The following USH2A variants were observed in gnomAD, a reference collection of about 807,000 sequenced individuals.
USH2A encodes Usher syndrome 2A (autosomal recessive, mild).
In USH2A, 443 loss-of-function variants were observed where a neutral mutation model predicts 538.9. The ratio of observed to expected loss-of-function variants is 0.82; its 90% CI spans 0.76 to 0.89. The LOEUF (loss-of-function observed/expected upper bound fraction) is 0.89. USH2A is among the 40% of genes least tolerant of loss of function. USH2A has a pLI of 0.00. For synonymous variants in USH2A, 2,413 were observed against 2,273.5 expected, an observed-to-expected ratio of 1.06 and a Z score of -1.75; for missense variants, 6,633 against 6,324.8, an observed-to-expected ratio of 1.05 and a Z score of -1.65.
At chr1:215,782,611 C>G (rs1661674451) in intron 53 of USH2A, 127 bp downstream of exon 53, 1 of 1,009,210 alleles carries the variant, frequency 9.9e-7, no homozygotes, top group African/African-American at 1.6e-5. Flanking sequence ...AATTACAGTT[C>G]CCTTTATCGG....
At chr1:216,372,610 A>G (rs1189466882) in intron 3 of USH2A, among the ~76,000 whole-genome samples, 1 of 152,102 alleles carries the variant, frequency 6.6e-6, no homozygotes, top group Non-Finnish European at 1.5e-5. Flanking sequence ...TGAAACTCTC[A>G]TGGCCTCTTC....
At chr1:216,261,880 G>A (rs1403253053) in intron 11 of USH2A, among the ~76,000 whole-genome samples, 7 of 152,080 alleles carry the variant, frequency 4.6e-5, no homozygotes, top group African/African-American at 1.4e-4. Flanking sequence ...CACTCAATAA[G>A]CCTGATTCCA....
At chr1:215,762,850 A>C (rs1422572894) in intron 56 of USH2A, among the ~76,000 whole-genome samples, 1 of 152,186 alleles carries the variant, frequency 6.6e-6, no homozygotes, top group Non-Finnish European at 1.5e-5. Context: ...AACTAGCTGC[A>C]AGGTTAAAAG....
At chr1:215,833,683 A>T (rs982464631) in intron 47 of USH2A, among the ~76,000 whole-genome samples, 1 of 152,054 alleles carries the variant, frequency 6.6e-6, no homozygotes, top group Admixed American at 6.6e-5. Flanking sequence ...TCAAGGAAAA[A>T]GTAACAAATC....
At chr1:215,627,655 A>T (rs979721148) in intron 71 of USH2A, among the ~76,000 whole-genome samples, 4 of 151,932 alleles carry the variant, frequency 2.6e-5, no homozygotes, top group African/African-American at 9.7e-5. Flanking sequence ...CCTCCTGAGT[A>T]GCTGGGATTA....
intron 15 of USH2A, among the ~76,000 whole-genome samples, chr1:216,209,871 T>C (rs1472505376): frequency 1.3e-5 from 2 of 152,172 alleles, no homozygotes; most frequent in African/African-American, 2.4e-5. Context: ...CCTCAGAAAA[T>C]AGGGTCTGTC....
chr1:215,847,704 A>C (rs968738340), intron 44 of USH2A, among the ~76,000 whole-genome samples: 1 of 152,050 alleles, frequency 6.6e-6, no homozygotes, highest in Non-Finnish European at 1.5e-5. Context: ...GGGAGGAAAA[A>C]GTGGCATTTC....
intron 21 of USH2A, among the ~76,000 whole-genome samples, chr1:216,153,705 A>C (rs367910050): frequency 6.6e-6 from 1 of 152,318 alleles, no homozygotes; most frequent in African/African-American, 2.4e-5. Context: ...AATGCTGCAT[A>C]TTAGATATAA....
chr1:216,019,134 G>T (rs747850300), intron 32 of USH2A, among the ~76,000 whole-genome samples: 3 of 152,138 alleles, frequency 2.0e-5, no homozygotes, highest in African/African-American at 7.2e-5. Context: ...CTGGCTAGAA[G>T]AATATACAAT....
At chr1:216,313,633 C>G (rs1040059163) in intron 9 of USH2A, among the ~76,000 whole-genome samples, 1 of 152,114 alleles carries the variant, frequency 6.6e-6, no homozygotes, top group Non-Finnish European at 1.5e-5. Context: ...TTCCTTCACA[C>G]CAGGCCTATT....
intron 4 of USH2A, among the ~76,000 whole-genome samples, chr1:216,328,718 C>A (rs765827696): frequency 6.6e-5 from 10 of 151,972 alleles, no homozygotes; most frequent in Non-Finnish European, 1.2e-4. Flanking sequence ...GGAGAATTAG[C>A]ACACGAAGTA....
intron 47 of USH2A, among the ~76,000 whole-genome samples, chr1:215,836,490 ATATATATAATATATAT>A (rs1311862791): frequency 0.08 from 1,733 of 21,712 alleles, 296 homozygotes; most frequent in East Asian, 0.34. Flanking sequence ...AATATATATT[ATATATATAATATATAT>A]TATATATATA....
chr1:215,640,847 A>C (rs1244035875), intron 67 of USH2A, 113 bp from the exon 68 acceptor site: 2 of 543,742 alleles, frequency 3.7e-6, no homozygotes. Context: ...ATCCAAACAA[A>C]AAAAAAAAAA....
Position 215,743,260 on chromosome 1 carries a change from G to C in USH2A, c.11465C>G (p.Ser3822Cys). 6.2e-7 allele frequency: 1 copy of C among 1,612,122 alleles called. No homozygotes were observed. The highest frequency in any genetic ancestry group is 8.5e-7 in the Non-Finnish European group (1 of 1,179,446). Residue 3822 changes from serine (S) to cysteine (C), a missense_variant, in exon 59 of 72, where the codon TCC becomes TGC. Coordinates refer to ENST00000307340, the MANE Select transcript of USH2A (RefSeq NM_206933.4). ...NDGSVTPLAFSVGHHQSTLLE... is the reference protein window; with the variant it reads ...NDGSVTPLAFCVGHHQSTLLE... ...AAGGGTGGATTGATGATGACCAACGGAGAAGGCCAGAGGTGTTACACTTCC... is the reference window on the plus strand; with the variant it reads ...AAGGGTGGATTGATGATGACCAACGCAGAAGGCCAGAGGTGTTACACTTCC...
intron 34 of USH2A, among the ~76,000 whole-genome samples, chr1:215,993,399 A>T (rs1453729172): frequency 1.3e-5 from 2 of 152,184 alleles, no homozygotes. Flanking sequence ...GTATGAATGT[A>T]TGAATTAAGG....
Position 216,246,750 on chromosome 1 carries a change from A to T in USH2A, c.2644T>A (p.Cys882Ser). The T allele has an allele frequency of 6.2e-7, 1 of 1,614,140 alleles. No individual in the cohort carries two copies. Among genetic ancestry groups the T allele is most frequent in the Non-Finnish European group, 8.5e-7 (1 of 1,179,984 alleles). Residue 882 changes from cysteine (C) to serine (S), a missense_variant, in exon 13 of 72, where the codon TGT (cysteine) becomes AGT (serine). Transcript: ENST00000307340. ...LGVTGLRCNQ[C>S]EPHRYNLTID... ...GTCAAATTGTACCTGTGAGGCTCAC[A>T]CTGATTACAGCGAAGACCTGTTACC...
At chr1:216,201,475 G>A (rs1165450203) in intron 16 of USH2A, among the ~76,000 whole-genome samples, 7 of 151,808 alleles carry the variant, frequency 4.6e-5, no homozygotes, top group East Asian at 2.0e-4. Context: ...CACCACGCCC[G>A]GCTAATTTTT....
At chr1:215,901,020 T>A in intron 38 of USH2A, 115 bp from the exon 39 acceptor site, 1 of 1,246,384 alleles carries the variant, frequency 8.0e-7, no homozygotes, top group Non-Finnish European at 1.1e-6. Context: ...ACAACAATGT[T>A]AAACATGGTC....
At chr1:216,013,748 C>T (rs540073230) in intron 32 of USH2A, among the ~76,000 whole-genome samples, 14 of 152,134 alleles carry the variant, frequency 9.2e-5, no homozygotes, top group South Asian at 6.2e-4. Context: ...AAAACAGCCC[C>T]ACCCCTATCT....
Sources: gnomAD v4.1 joint callset for allele counts (sites outside exome capture counted in the v4.1 genomes callset) on GRCh38, gnomAD v4.1.1 for gene constraint, MANE v1.5 for transcripts, NCBI Gene and HGNC (gene_info 2026-07-23, HGNC 2026-07-21) for gene names.